VNN1: variants seen among roughly 807,000 people sequenced by gnomAD.
VNN1 encodes the protein vanin 1, also known as pantetheinase.
VNN1 carries 29 observed loss-of-function variants against 41.9 expected under a neutral mutation model. The observed-to-expected ratio is 0.69, with a 90% CI of 0.52 to 0.94. The LOEUF is 0.94. Among genes scored for constraint, VNN1 ranks in the 40% least tolerant of loss-of-function variants. The pLI is 0.00. For missense variants in VNN1, 637 were observed against 621.1 expected (o/e 1.03, Z -0.27); for synonymous variants, 233 against 224.4 (o/e 1.04, Z -0.34).
intron 2 of VNN1, among the ~76,000 whole-genome samples, chr6:132,709,878 G>A (rs1048791292): frequency 6.6e-6 from 1 of 152,110 alleles, no homozygotes; most frequent in African/African-American, 2.4e-5. Flanking sequence ...TGATAATAGA[G>A]TGCTTGCCTT....
chr6:132,690,569 C>T (rs768591081), intron 5 of VNN1, among the ~76,000 whole-genome samples: 5 of 152,224 alleles, frequency 3.3e-5, no homozygotes, highest in Non-Finnish European at 5.9e-5. Context: ...CGGACAATCA[C>T]ATGCCAACCT....
intron 5 of VNN1, among the ~76,000 whole-genome samples, chr6:132,687,257 A>G (rs1778222506): frequency 6.6e-6 from 1 of 152,212 alleles, no homozygotes; most frequent in Non-Finnish European, 1.5e-5. Flanking sequence ...GAAAAGTCAT[A>G]ACCACCTTTG....
In VNN1 at chr6:132,711,747, G is replaced by A. The variant is rs140872925; in HGVS notation, c.303C>T (p.Asp101=). 1.9e-4 allele frequency: 314 copies of A among 1,613,762 alleles called. No individual in the cohort carries two copies. The highest frequency in any genetic ancestry group is 2.5e-4 in the Non-Finnish European group (297 of 1,179,874). ...SLYPYLEDIP[D]PEVNWIPCNN... is the part of the protein sequence containing the mutation. ...TACAGGGGATCCAGTTTACTTCAGG[G>A]TCTGGGATGTCCTCCAAATATGGGT... is the stretch of plus-strand genomic sequence containing the variant. The change falls in exon 2 of 7, where the codon GAC becomes GAT. Residue 101 remains aspartate, a synonymous_variant. Transcript: ENST00000367928.
At chr6:132,701,969 G>C (rs564207039) in intron 2 of VNN1, among the ~76,000 whole-genome samples, 11 of 152,340 alleles carry the variant, frequency 7.2e-5, no homozygotes, top group Middle Eastern at 3.4e-3. Context: ...AACAGCTCTT[G>C]TCAGAGAGGA....
chr6:132,711,635 G>T, intron 2 of VNN1, 74 bp downstream of exon 2: 2 of 1,532,240 alleles, frequency 1.3e-6, no homozygotes, highest in South Asian at 2.4e-5. Flanking sequence ...TCTATGCAAT[G>T]ATCATCAACA....
intron 2 of VNN1, among the ~76,000 whole-genome samples, chr6:132,705,670 A>C (rs1396415821): frequency 6.6e-6 from 1 of 152,194 alleles, no homozygotes; most frequent in Non-Finnish European, 1.5e-5. Flanking sequence ...TTCTCACTAA[A>C]GTAATCAGAC....
intron 2 of VNN1, chr6:132,699,048 C>A: frequency 4.2e-6 from 1 of 238,404 alleles, no homozygotes; most frequent in Non-Finnish European, 9.1e-6. Flanking sequence ...AAGGTGCAGC[C>A]CAAGCACCTT....
At chr6:132,696,612 G>A (rs1048516935) in intron 2 of VNN1, among the ~76,000 whole-genome samples, 1 of 152,006 alleles carries the variant, frequency 6.6e-6, no homozygotes, top group Non-Finnish European at 1.5e-5. Context: ...ATTATCGGCA[G>A]ATTTCTCATC....
At chr6:132,692,187 T>C (rs756229599) in intron 5 of VNN1, 36 bp downstream of exon 5, 8 of 1,511,160 alleles carry the variant, frequency 5.3e-6, no homozygotes, top group Non-Finnish European at 7.1e-6. Flanking sequence ...AGTGTCTTTA[T>C]TTTATCCAGT....
At chr6:132,688,929 C>T (rs1052167193) in intron 5 of VNN1, among the ~76,000 whole-genome samples, 4 of 152,154 alleles carry the variant, frequency 2.6e-5, no homozygotes, top group Non-Finnish European at 5.9e-5. Flanking sequence ...CACTCTGTTG[C>T]CTAGGCTGGA....
At chr6:132,684,671 T>C (rs992396129) in intron 5 of VNN1, among the ~76,000 whole-genome samples, 166 bp from the exon 6 acceptor site, 1 of 152,036 alleles carries the variant, frequency 6.6e-6, no homozygotes, top group African/African-American at 2.4e-5. Flanking sequence ...AGGATAAATT[T>C]TAAAGATAAA....
intron 2 of VNN1, among the ~76,000 whole-genome samples, chr6:132,706,621 A>G (rs1778522805): frequency 6.6e-6 from 1 of 152,190 alleles, no homozygotes; most frequent in African/African-American, 2.4e-5. Context: ...GTAATACCCC[A>G]CAGGCACAGG....
rs189576317 is a variant in VNN1 at position 132,681,800 on chromosome 6, T to A, written c.*1340A>T. ...AGAACAAGGGATTTTACTCAAATAT[T>A]TCTTGGATGATATAGTACTTTTTAG... On this transcript the variant is annotated 3_prime_UTR_variant, in exon 7 of 7. Transcript: ENST00000367928. 2.3e-3 allele frequency: 356 copies of A among 152,756 alleles called. 1 individual carries two copies. Among genetic ancestry groups the A allele is most frequent in the African/African-American group, 7.7e-3 (320 of 41,570 alleles). 9.5% of individuals were successfully genotyped at this position (152,756 alleles called of 1,614,324 possible). A position where few individuals can be genotyped will look rare whatever the true frequency, so the allele number is the denominator to read the frequency against.
intron 6 of VNN1, among the ~76,000 whole-genome samples, chr6:132,683,723 C>A (rs1370516470): frequency 6.6e-6 from 1 of 152,174 alleles, no homozygotes; most frequent in Admixed American, 6.6e-5. Flanking sequence ...CTCACCACAA[C>A]CTCCTCACCA....
At chr6:132,703,028 T>A (rs1778469778) in intron 2 of VNN1, among the ~76,000 whole-genome samples, 1 of 152,130 alleles carries the variant, frequency 6.6e-6, no homozygotes, top group African/African-American at 2.4e-5. Context: ...GGGTACCAAC[T>A]TAGCCACAGT....
chr6:132,691,183 A>C (rs3798800), intron 5 of VNN1, among the ~76,000 whole-genome samples: 28,184 of 152,252 alleles, frequency 0.19, 3,301 homozygotes, highest in East Asian at 0.36. Context: ...TCATGTTAAG[A>C]AATTTGATTT....
Position 132,681,398 on chromosome 6 carries a change from A to C in VNN1, c.*1742T>G, listed in dbSNP as rs375394480. Among the ~76,000 whole-genome samples, 1 of 152,310 alleles carries C rather than the reference A, an allele frequency of 6.6e-6. No individual in the cohort carries two copies. The highest frequency in any genetic ancestry group is 2.4e-5 in the African/African-American group (1 of 41,568). ...TGAGATGATGGCAGCCCTGGGGACA[A>C]GTTAACTACAACTTTCCAAAGGCCC... On this transcript the variant is annotated 3_prime_UTR_variant, in exon 7 of 7. Coordinates refer to ENST00000367928, the MANE Select transcript of VNN1 (RefSeq NM_004666.3).
chr6:132,694,082 T>C lies in VNN1; in HGVS notation c.442A>G (p.Ser148Gly). Residue 148 changes from serine (S) to glycine (G), a missense_variant, in exon 3 of 7, where the codon AGT becomes GGT. Transcript: ENST00000367928. ...NIGDKKPCDTSDPQCPPDGRY... is the reference protein window; with the variant it reads ...NIGDKKPCDTGDPQCPPDGRY... ...CCATCAGGGGGACACTGAGGATCAC[T>C]GGTATCGCATGGCTTCTTGTCCCCA... 1.9e-6 allele frequency: 3 copies of C among 1,614,196 alleles called. No individual in the cohort carries two copies. Among genetic ancestry groups the C allele is most frequent in the Non-Finnish European group, 2.5e-6 (3 of 1,180,016 alleles).
chr6:132,689,273 A>T (rs1028956530), intron 5 of VNN1, among the ~76,000 whole-genome samples: 3 of 151,636 alleles, frequency 2.0e-5, no homozygotes, highest in Non-Finnish European at 4.4e-5. Context: ...GTTGAGAAAC[A>T]CACACACACA....
Sources: allele counts gnomAD v4.1 joint callset (sites outside exome capture counted in the v4.1 genomes callset), GRCh38; gene constraint gnomAD v4.1.1; transcripts MANE v1.5; gene names NCBI Gene and HGNC (gene_info 2026-07-23, HGNC 2026-07-21).